Variants in PKNOX2 observed in about 807,000 individuals in gnomAD.
PKNOX2 encodes the protein PBX/knotted 1 homeobox 2.
PKNOX2 carries 14 observed loss-of-function variants against 53.1 expected under a neutral mutation model. The ratio of observed to expected loss-of-function variants is 0.26; its 90% confidence interval spans 0.17 to 0.41. The LOEUF (loss-of-function observed/expected upper bound fraction) is 0.41, where lower values mean the gene tolerates loss of function less well. Among genes scored for constraint, PKNOX2 ranks in the 10% least tolerant of loss-of-function variants. PKNOX2 has a pLI of 1.00. For missense variants in PKNOX2, 496 were observed against 602.8 expected, an observed-to-expected ratio of 0.82 and a Z score of 1.85; for synonymous variants, 257 against 242.8, an observed-to-expected ratio of 1.06 and a Z score of -0.54.
At chr11:125,179,387 C>T (rs772726609) in intron 1 of PKNOX2, among the ~76,000 whole-genome samples, 1 of 152,040 alleles carries the variant, frequency 6.6e-6, no homozygotes, top group Non-Finnish European at 1.5e-5. Flanking sequence ...AGATTTTATC[C>T]AGAGAGAGCA....
intron 1 of PKNOX2, among the ~76,000 whole-genome samples, chr11:125,213,333 C>T (rs1940092668): frequency 6.6e-6 from 1 of 152,092 alleles, no homozygotes; most frequent in Non-Finnish European, 1.5e-5. Context: ...GCTTTGGATC[C>T]CTGACTCTCA....
chr11:125,402,103 C>T (rs1416436021), intron 7 of PKNOX2, among the ~76,000 whole-genome samples: 2 of 152,150 alleles, frequency 1.3e-5, no homozygotes, highest in Admixed American at 1.3e-4. Flanking sequence ...CCTGCTCGGC[C>T]TTCGATTTCT....
At chr11:125,375,557 A>G (rs1452410126) in intron 5 of PKNOX2, among the ~76,000 whole-genome samples, 1 of 152,232 alleles carries the variant, frequency 6.6e-6, no homozygotes, top group African/African-American at 2.4e-5. Flanking sequence ...CACACAGCAC[A>G]TCTGTTTGCT....
intron 1 of PKNOX2, among the ~76,000 whole-genome samples, chr11:125,231,600 C>T (rs1400632516): frequency 6.6e-6 from 1 of 152,188 alleles, no homozygotes; most frequent in Non-Finnish European, 1.5e-5. Context: ...GATGGTTCCC[C>T]AACAGGCATC....
chr11:125,420,723 GGCATTTGACCCTGAA>G (rs1412180401), intron 10 of PKNOX2, among the ~76,000 whole-genome samples: 1 of 152,072 alleles, frequency 6.6e-6, no homozygotes, highest in Non-Finnish European at 1.5e-5. Flanking sequence ...ATAGTTTCAG[GGCATTTGACCCTGAA>G]GTCAGGGGTC....
chr11:125,273,610 G>A (rs2135804054), intron 2 of PKNOX2, among the ~76,000 whole-genome samples: 2 of 152,332 alleles, frequency 1.3e-5, no homozygotes, highest in South Asian at 4.1e-4. Context: ...AGTTGGAAGT[G>A]AGGGTAGGTC....
At chr11:125,371,242 TCG>T (rs1952521850) in intron 5 of PKNOX2, among the ~76,000 whole-genome samples, 3 of 152,030 alleles carry the variant, frequency 2.0e-5, no homozygotes, top group African/African-American at 4.8e-5. Flanking sequence ...TGGATGCACA[TCG>T]CGGGTAATTG....
intron 2 of PKNOX2, among the ~76,000 whole-genome samples, chr11:125,263,887 C>A (rs937298132): frequency 3.9e-5 from 6 of 152,304 alleles, no homozygotes; most frequent in Middle Eastern, 3.4e-3. Flanking sequence ...GCTGGGAGGA[C>A]AAAGTCCTGG....
chr11:125,427,692 G>A (rs940284460), intron 10 of PKNOX2, among the ~76,000 whole-genome samples: 3 of 152,112 alleles, frequency 2.0e-5, no homozygotes, highest in Non-Finnish European at 4.4e-5. Context: ...GACAGCTCAA[G>A]CACCACTTTC....
At chr11:125,293,817 A>ACACACTCACT (rs1340876323) in intron 2 of PKNOX2, among the ~76,000 whole-genome samples, 2 of 145,866 alleles carry the variant, frequency 1.4e-5, no homozygotes, top group East Asian at 2.0e-4. Flanking sequence ...ACACACTCAC[A>ACACACTCACT]CACACTCACT....
chr11:125,245,174 G>A (rs1943465691), intron 2 of PKNOX2, among the ~76,000 whole-genome samples: 1 of 152,166 alleles, frequency 6.6e-6, no homozygotes, highest in Non-Finnish European at 1.5e-5. Context: ...GGCTGAGCAT[G>A]GCTGGCAGCT....
intron 1 of PKNOX2, among the ~76,000 whole-genome samples, chr11:125,200,204 C>A (rs1267340258): frequency 1.3e-5 from 2 of 152,214 alleles, no homozygotes; most frequent in Non-Finnish European, 2.9e-5. Context: ...TTTTGTTCTC[C>A]ATGGTCACAG....
chr11:125,348,041 AG>A (rs1951081125), intron 3 of PKNOX2, among the ~76,000 whole-genome samples: 1 of 152,164 alleles, frequency 6.6e-6, no homozygotes, highest in South Asian at 2.1e-4. Context: ...GCAGGGGCTC[AG>A]GCCTGCTGCT....
intron 2 of PKNOX2, among the ~76,000 whole-genome samples, chr11:125,250,744 C>T (rs1943932089): frequency 1.3e-5 from 2 of 152,342 alleles, no homozygotes; most frequent in Non-Finnish European, 2.9e-5. Flanking sequence ...ACACACCTAT[C>T]GGAGGAGACC....
intron 7 of PKNOX2, among the ~76,000 whole-genome samples, chr11:125,405,474 G>A (rs947352260): frequency 2.0e-5 from 3 of 151,180 alleles, no homozygotes; most frequent in Admixed American, 6.6e-5. Context: ...ACGTGAGACC[G>A]CTGTGCATTC....
intron 5 of PKNOX2, among the ~76,000 whole-genome samples, chr11:125,378,874 A>G (rs1953013835): frequency 6.6e-6 from 1 of 152,006 alleles, no homozygotes; most frequent in Non-Finnish European, 1.5e-5. Flanking sequence ...TGTGTTTTGC[A>G]TCTTCGCCTC....
chr11:125,189,488 T>C (rs1956733894), intron 1 of PKNOX2, among the ~76,000 whole-genome samples: 1 of 117,886 alleles, frequency 8.5e-6, no homozygotes, highest in Non-Finnish European at 1.7e-5. Context: ...TATATATATA[T>C]ATACAAAAGC....
At chr11:125,304,607 T>A (rs2135974402) in intron 2 of PKNOX2, among the ~76,000 whole-genome samples, 1 of 152,258 alleles carries the variant, frequency 6.6e-6, no homozygotes, top group South Asian at 2.1e-4. Context: ...ACAGATGCAT[T>A]AAACGTCCCC....
At chr11:125,217,559 GCAGGCGGGCACA>G (rs766023781) in intron 1 of PKNOX2, among the ~76,000 whole-genome samples, 42 of 152,196 alleles carry the variant, frequency 2.8e-4, no homozygotes, top group Non-Finnish European at 5.6e-4. Flanking sequence ...GCCACCTAGC[GCAGGCGGGCACA>G]CAGGAAGTGT....
Sources: allele counts gnomAD v4.1 joint callset (sites outside exome capture counted in the v4.1 genomes callset), GRCh38; gene constraint gnomAD v4.1.1; transcripts MANE v1.5; gene names NCBI Gene and HGNC (gene_info 2026-07-23, HGNC 2026-07-21).